PDE4B: variants seen among roughly 807,000 people sequenced by gnomAD.
The protein encoded by PDE4B is 3',5'-cyclic-AMP phosphodiesterase 4B.
In PDE4B, 20 loss-of-function variants were observed where a neutral mutation model predicts 82.2. The observed-to-expected ratio is 0.24, with a 90% CI of 0.17 to 0.35. The LOEUF (loss-of-function observed/expected upper bound fraction) is 0.35. Ranked by LOEUF, PDE4B falls within the 10% of genes least tolerant of loss-of-function variation. PDE4B has a pLI of 1.00. For missense variants in PDE4B, 655 were observed against 907.2 expected (o/e 0.72, Z 3.57); for synonymous variants, 320 against 318.9 (o/e 1.00, Z -0.04).
chr1:65,980,835 C>T (rs1202733551), intron 3 of PDE4B, among the ~76,000 whole-genome samples: 2 of 152,088 alleles, frequency 1.3e-5, no homozygotes, highest in Admixed American at 1.3e-4. Context: ...AGTACAGTTA[C>T]TTTCAGAAAA....
At chr1:66,260,517 G>A (rs192954655) in intron 6 of PDE4B, among the ~76,000 whole-genome samples, 14 of 152,306 alleles carry the variant, frequency 9.2e-5, no homozygotes, top group East Asian at 5.8e-4. Flanking sequence ...TGGCAATGGG[G>A]AGGAAGGGAT....
intron 3 of PDE4B, among the ~76,000 whole-genome samples, chr1:66,080,400 G>T (rs1220493105): frequency 6.6e-6 from 1 of 152,146 alleles, no homozygotes. Context: ...CAAGTGAAAA[G>T]ATACTGCTTT....
chr1:65,916,495 G>C (rs750183907), intron 2 of PDE4B, among the ~76,000 whole-genome samples: 4 of 152,042 alleles, frequency 2.6e-5, no homozygotes, highest in Non-Finnish European at 1.5e-5. Context: ...CCTTATTTCT[G>C]TTCTTTGGTA....
chr1:66,044,049 GTA>G (rs1238901627), intron 3 of PDE4B, among the ~76,000 whole-genome samples: 5 of 96,170 alleles, frequency 5.2e-5, no homozygotes, highest in Non-Finnish European at 9.3e-5. Flanking sequence ...TATACTAAAT[GTA>G]TTATATGTGC....
chr1:66,258,177 G>T (rs1225526916), intron 6 of PDE4B, among the ~76,000 whole-genome samples: 1 of 152,184 alleles, frequency 6.6e-6, no homozygotes, highest in African/African-American at 2.4e-5. Context: ...ACCAGTAACT[G>T]CCATAAATTC....
intron 10 of PDE4B, among the ~76,000 whole-genome samples, chr1:66,362,171 A>G (rs1662832089): frequency 6.6e-6 from 1 of 152,216 alleles, no homozygotes; most frequent in Admixed American, 6.5e-5. Flanking sequence ...CTGAAGAGAC[A>G]TGGGGAAAAT....
At chr1:65,918,508 T>C (rs1187320818) in intron 2 of PDE4B, 89 bp from the exon 3 acceptor site, 2 of 753,452 alleles carry the variant, frequency 2.7e-6, no homozygotes, top group African/African-American at 3.5e-5. Flanking sequence ...AAGTGACAGC[T>C]TGATCATTTA....
intron 3 of PDE4B, among the ~76,000 whole-genome samples, chr1:66,208,323 C>G (rs999926548): frequency 6.6e-6 from 1 of 152,112 alleles, no homozygotes; most frequent in African/African-American, 2.4e-5. Context: ...CTGTTGAGTG[C>G]GTACCATGTG....
At position 66,035,553 on chromosome 1, in the gene PDE4B, T is replaced by TATA. The variant is rs1654017423; in HGVS notation, c.281+116718_281+116719insATA. Among the ~76,000 whole-genome samples, 4 of 152,200 alleles carry TATA rather than the reference T, an allele frequency of 2.6e-5. No individual in the cohort carries two copies. In the South Asian group the frequency reaches 6.2e-4, roughly 24 times the overall value. ...CTTCTATGAGTTTAACTTTTTTAGTTTCCACATATAAGTGAGATTATACAG... is the reference window on the plus strand; with the variant it reads ...CTTCTATGAGTTTAACTTTTTTAGTTATATCCACATATAAGTGAGATTATACAG... On this transcript the variant is annotated intron_variant, in intron 3 of 16. Coordinates refer to ENST00000341517, the MANE Select transcript of PDE4B (RefSeq NM_002600.4).
intron 3 of PDE4B, among the ~76,000 whole-genome samples, chr1:66,227,005 A>G (rs75531699): frequency 4.5e-4 from 69 of 152,360 alleles, no homozygotes; most frequent in Non-Finnish European, 3.4e-4. Flanking sequence ...TATTAAATGC[A>G]TCTCGTGAAG....
chr1:65,879,052 A>T (rs1646680967), intron 1 of PDE4B, among the ~76,000 whole-genome samples: 1 of 152,138 alleles, frequency 6.6e-6, no homozygotes, highest in Admixed American at 6.6e-5. Context: ...CAGTTTAGAA[A>T]TGAAGAAACT....
chr1:65,914,824 A>G (rs979038081), intron 2 of PDE4B, among the ~76,000 whole-genome samples: 17 of 152,182 alleles, frequency 1.1e-4, no homozygotes, highest in African/African-American at 4.1e-4. Context: ...GAAGCATGCA[A>G]TGGATATGAA....
chr1:66,202,884 G>C (rs1649137275), intron 3 of PDE4B, among the ~76,000 whole-genome samples: 1 of 151,454 alleles, frequency 6.6e-6, no homozygotes, highest in Non-Finnish European at 1.5e-5. Flanking sequence ...ATTTGATCCT[G>C]TCATTATGAT....
At chr1:66,132,675 C>T (rs545213933) in intron 3 of PDE4B, among the ~76,000 whole-genome samples, 178 of 152,192 alleles carry the variant, frequency 1.2e-3, no homozygotes, top group African/African-American at 4.0e-3. Flanking sequence ...TTATTTCTTT[C>T]GTATTATTTC....
intron 8 of PDE4B, among the ~76,000 whole-genome samples, chr1:66,352,684 A>G (rs1057374537): frequency 6.8e-6 from 1 of 146,106 alleles, no homozygotes; most frequent in Non-Finnish European, 1.5e-5. Context: ...AAAGCTGATT[A>G]AAAGCATGAA....
intron 1 of PDE4B, among the ~76,000 whole-genome samples, chr1:65,884,993 A>G (rs1646755595): frequency 6.6e-6 from 1 of 152,178 alleles, no homozygotes; most frequent in Non-Finnish European, 1.5e-5. Context: ...GAATCTACAA[A>G]TAACTCAAAT....
chr1:66,251,746 G>A (rs1053067268), intron 4 of PDE4B, among the ~76,000 whole-genome samples: 3 of 152,102 alleles, frequency 2.0e-5, no homozygotes, highest in Non-Finnish European at 4.4e-5. Flanking sequence ...GTTAGTGTGG[G>A]AGCATTTTGG....
At chr1:66,016,794 T>C (rs374624361) in intron 3 of PDE4B, among the ~76,000 whole-genome samples, 3 of 152,236 alleles carry the variant, frequency 2.0e-5, no homozygotes, top group East Asian at 1.9e-4. Flanking sequence ...TGAGCACTTA[T>C]AACCAAAAGG....
At chr1:66,023,845 T>G (rs1570009553) in intron 3 of PDE4B, among the ~76,000 whole-genome samples, 1 of 149,070 alleles carries the variant, frequency 6.7e-6, no homozygotes, top group East Asian at 1.9e-4. Context: ...GTAGGGTTAT[T>G]TAGGGCACTC....
Sources: gnomAD v4.1 joint callset for allele counts (sites outside exome capture counted in the v4.1 genomes callset) on GRCh38, gnomAD v4.1.1 for gene constraint, MANE v1.5 for transcripts, NCBI Gene and HGNC (gene_info 2026-07-23, HGNC 2026-07-21) for gene names.